Variants in DSCAML1 observed in about 807,000 individuals in gnomAD.
DSCAML1 encodes DS cell adhesion molecule like 1.
A neutral mutation model predicts 200.5 loss-of-function variants in DSCAML1; 38 were observed. That is an observed-to-expected ratio of 0.19 (90% confidence interval 0.15 to 0.25). The LOEUF (loss-of-function observed/expected upper bound fraction) is 0.25. Ranked by LOEUF, DSCAML1 falls within the 10% of genes least tolerant of loss-of-function variation. The pLI, the probability that DSCAML1 is intolerant of heterozygous loss-of-function variation, is 1.00. For missense variants in DSCAML1, 2,223 were observed against 2,858.8 expected, an observed-to-expected ratio of 0.78 and a Z score of 5.07; for synonymous variants, 1,215 against 1,165.0, an observed-to-expected ratio of 1.04 and a Z score of -0.87.
In DSCAML1 at chr11:117,518,443, G is replaced by T; in HGVS notation, c.1510+23C>A. ...GCAAAGGAACTCAAAAACCTATTCTGATATTTAAATGTAGACAGGCACCTC... is the reference window on the plus strand; with the variant it reads ...GCAAAGGAACTCAAAAACCTATTCTTATATTTAAATGTAGACAGGCACCTC... On this transcript the variant is annotated intron_variant, in intron 7 of 32. Transcript: ENST00000651296. The surrounding 1 kb of genome is among the most constrained non-coding windows in gnomAD (Gnocchi z 6.3). The T allele has an allele frequency of 6.2e-7, 1 of 1,613,846 alleles. No homozygotes were observed.
rs7126416 is a variant in DSCAML1, at chr11:117,528,934, C to G, written c.658+3442G>C. On this transcript the variant is annotated intron_variant, in intron 4 of 32. Transcript: ENST00000651296. Reference sequence around the variant, plus strand: ...AAAAATGAAAGTTGCCGCCCCCCGCCCCCCCCCTTGGGAATGTAGTAGGAA... The same window carrying G: ...AAAAATGAAAGTTGCCGCCCCCCGCGCCCCCCCTTGGGAATGTAGTAGGAA... Among the ~76,000 whole-genome samples, 47 of 133,924 alleles carry G rather than the reference C, an allele frequency of 3.5e-4. 1 individual carries two copies. The South Asian group carries it at 9.3e-3, about 27-fold the overall frequency. 87.9% of individuals were successfully genotyped at this position (133,924 alleles called of 152,430 possible).
In DSCAML1 at chr11:117,431,571, C is replaced by T. The variant is rs1489178049; in HGVS notation, c.5337G>A (p.Glu1779=). ...ACAGGCTGGCACTGTAGCTGTCACT[C>T]TCAGTGACCGTGACACCATGCTGGG... ...VGSQHGVTVT[E]SDSYSASLSQ... Residue 1779 remains glutamate, a synonymous_variant, in exon 31 of 33, where the codon GAG becomes GAA. Coordinates refer to ENST00000651296, the MANE Select transcript of DSCAML1 (RefSeq NM_020693.4). The T allele has an allele frequency of 3.1e-6, 5 of 1,605,786 alleles. No homozygotes were observed. The highest frequency in any genetic ancestry group is 4.3e-6 in the Non-Finnish European group (5 of 1,175,446).
At chr11:117,513,142 G>T (rs2049678684) in intron 8 of DSCAML1, among the ~76,000 whole-genome samples, 1 of 152,140 alleles carries the variant, frequency 6.6e-6, no homozygotes, top group African/African-American at 2.4e-5. Flanking sequence ...TGCTTGTAAG[G>T]GAAATGGATA....
chr11:117,620,050 G>A (rs2051894469), intron 3 of DSCAML1, among the ~76,000 whole-genome samples: 1 of 152,188 alleles, frequency 6.6e-6, no homozygotes, highest in Non-Finnish European at 1.5e-5. Context: ...AACATCTTTA[G>A]TACGGTGCTT....
chr11:117,467,198 C>CT (rs2048599334), intron 16 of DSCAML1, among the ~76,000 whole-genome samples: 2 of 132,570 alleles, frequency 1.5e-5, no homozygotes, highest in African/African-American at 3.1e-5. Flanking sequence ...CACACACCTC[C>CT]CCCCTCCCCC....
chr11:117,577,459 T>TCCC lies in DSCAML1; in HGVS notation c.512-44938_512-44937insGGG, dbSNP rs1229109313. Among the ~76,000 whole-genome samples, 18 of 43,844 alleles carry TCCC rather than the reference T, an allele frequency of 4.1e-4. No individual in the cohort carries two copies. In the South Asian group the frequency reaches 0.014, roughly 34 times the overall value. The allele number at this position is 43,844 out of a possible 152,430, so 28.8% of individuals were successfully genotyped here. ...TTCTTTCCTTCCTTCCTTCCTTCCT[T>TCCC]TCCTTCCTTCCTTCCTTCCTTCCTT... On this transcript the variant is annotated intron_variant, in intron 3 of 32. Coordinates refer to ENST00000651296, the MANE Select transcript of DSCAML1 (RefSeq NM_020693.4).
intron 3 of DSCAML1, among the ~76,000 whole-genome samples, chr11:117,733,036 G>A (rs2054251593): frequency 3.9e-5 from 6 of 152,186 alleles, no homozygotes; most frequent in Admixed American, 3.9e-4. Context: ...AGACTGCAGT[G>A]ATTTATTTTT....
chr11:117,587,292 T>A (rs1037387836), intron 3 of DSCAML1, among the ~76,000 whole-genome samples: 1 of 144,956 alleles, frequency 6.9e-6, no homozygotes, highest in African/African-American at 2.5e-5. Flanking sequence ...GATTCCTATA[T>A]TGTAGTGGAA....
chr11:117,495,857 C>T (rs1358913714), intron 11 of DSCAML1, among the ~76,000 whole-genome samples: 1 of 152,220 alleles, frequency 6.6e-6, no homozygotes, highest in Non-Finnish European at 1.5e-5. Flanking sequence ...TCCGTTTTCT[C>T]TCCATTCCAT....
chr11:117,429,311 C>T (rs2137053198), intron 32 of DSCAML1, among the ~76,000 whole-genome samples: 1 of 152,324 alleles, frequency 6.6e-6, no homozygotes, highest in African/African-American at 2.4e-5. Context: ...GTAAGGCGTT[C>T]CCCTCTTTCC....
At chr11:117,540,549 T>C (rs550546035) in intron 3 of DSCAML1, among the ~76,000 whole-genome samples, 1 of 152,182 alleles carries the variant, frequency 6.6e-6, no homozygotes, top group Non-Finnish European at 1.5e-5. Context: ...GTAAATTTTA[T>C]GTTATGTATA....
At chr11:117,458,289 A>G (rs1592607728) in intron 19 of DSCAML1, among the ~76,000 whole-genome samples, 1 of 151,890 alleles carries the variant, frequency 6.6e-6, no homozygotes, top group Admixed American at 6.6e-5. Flanking sequence ...ATGGAGGCAC[A>G]CCCCCATCCC....
intron 17 of DSCAML1, among the ~76,000 whole-genome samples, chr11:117,462,396 C>G (rs115253059): frequency 6.6e-6 from 1 of 152,340 alleles, no homozygotes; most frequent in Admixed American, 6.5e-5. Context: ...CGAAACCCCA[C>G]GCCCCAGGAT....
At chr11:117,488,400 T>G (rs2137240336) in intron 11 of DSCAML1, among the ~76,000 whole-genome samples, 1 of 152,328 alleles carries the variant, frequency 6.6e-6, no homozygotes, top group Middle Eastern at 3.4e-3. Context: ...GTCGCAGTAA[T>G]AAACAAGATT....
At position 117,705,406 on chromosome 11, in the gene DSCAML1, C is replaced by T. The variant is rs551831403; in HGVS notation, c.511+71385G>A. Among the ~76,000 whole-genome samples, 3 of 152,222 alleles carry T rather than the reference C, an allele frequency of 2.0e-5. No homozygotes were observed. The South Asian group carries it at 6.2e-4, about 32-fold the overall frequency. ...TTGTGAAGCAAGGTACTTTCTACTCCCCAGCAACACAGAGAAGAAAGATTT... is the reference window on the plus strand; with the variant it reads ...TTGTGAAGCAAGGTACTTTCTACTCTCCAGCAACACAGAGAAGAAAGATTT... On this transcript the variant is annotated intron_variant, in intron 3 of 32. Coordinates refer to ENST00000651296, the MANE Select transcript of DSCAML1 (RefSeq NM_020693.4).
At chr11:117,638,901 A>G (rs2052344177) in intron 3 of DSCAML1, among the ~76,000 whole-genome samples, 1 of 152,210 alleles carries the variant, frequency 6.6e-6, no homozygotes, top group Admixed American at 6.5e-5. Flanking sequence ...ATACCCAGGC[A>G]TGAAATTGCT....
At chr11:117,511,924 C>G (rs1048062449) in intron 8 of DSCAML1, among the ~76,000 whole-genome samples, 3 of 152,252 alleles carry the variant, frequency 2.0e-5, no homozygotes, top group Non-Finnish European at 2.9e-5. Context: ...TGCTCACACA[C>G]AGGTCTCTGC....
In DSCAML1 at chr11:117,458,624, G is replaced by A. The variant is rs1007721941; in HGVS notation, c.3568+130C>T. ...AGCATTTCCCTCAAGAGTCCTCAAG[G>A]CTACTCTCCCACAGTTTGAAGGCCA... is the stretch of plus-strand genomic sequence containing the variant. On this transcript the variant is annotated intron_variant, in intron 19 of 32. Transcript: ENST00000651296. 7 of 1,215,232 alleles carry A rather than the reference G, an allele frequency of 5.8e-6. No homozygotes were observed. The African/African-American group carries it at 1.1e-4, about 18-fold the overall frequency. 75.3% of individuals were successfully genotyped at this position (1,215,232 alleles called of 1,614,324 possible).
intron 3 of DSCAML1, among the ~76,000 whole-genome samples, chr11:117,589,430 T>C (rs1324196955): frequency 1.3e-5 from 2 of 151,630 alleles, no homozygotes; most frequent in African/African-American, 4.8e-5. Flanking sequence ...CCCAACTCAA[T>C]GTGTTTTCAT....
Sources: gnomAD v4.1 joint callset for allele counts (sites outside exome capture counted in the v4.1 genomes callset) on GRCh38, gnomAD v4.1.1 for gene constraint, Gnocchi (gnomAD v3.1) non-coding constraint, MANE v1.5 for transcripts, NCBI Gene and HGNC (gene_info 2026-07-23, HGNC 2026-07-21) for gene names.